Variants in PRKN observed in about 807,000 individuals in gnomAD.
PRKN encodes parkin RBR E3 ubiquitin protein ligase.
A neutral mutation model predicts 59.5 loss-of-function variants in PRKN; 56 were observed. The observed-to-expected ratio is 0.94, with a 90% CI of 0.76 to 1.18. The LOEUF is 1.18. Ranked by LOEUF, PRKN falls within the 50% of genes most tolerant of loss-of-function variation. The pLI is 0.00. For missense variants in PRKN, 657 were observed against 596.4 expected (o/e 1.10, Z -1.06); for synonymous variants, 250 against 222.1 (o/e 1.13, Z -1.12).
intron 5 of PRKN, among the ~76,000 whole-genome samples, chr6:162,001,757 C>T (rs1001397762): frequency 1.3e-5 from 2 of 151,612 alleles, no homozygotes; most frequent in African/African-American, 4.8e-5. Context: ...TCTAGCTTCT[C>T]ACCATTGAGT....
At chr6:161,474,119 C>G (rs1446798949) in intron 9 of PRKN, among the ~76,000 whole-genome samples, 1 of 152,208 alleles carries the variant, frequency 6.6e-6, no homozygotes, top group Non-Finnish European at 1.5e-5. Context: ...CAGTAAGTCA[C>G]TCCACCTCTC....
intron 7 of PRKN, among the ~76,000 whole-genome samples, chr6:161,699,184 A>G (rs1232437279): frequency 6.6e-6 from 1 of 152,112 alleles, no homozygotes; most frequent in Non-Finnish European, 1.5e-5. Flanking sequence ...ACCTATTAGA[A>G]TAAAACCAAA....
chr6:162,077,510 G>A (rs1778875574), intron 4 of PRKN, among the ~76,000 whole-genome samples: 1 of 152,054 alleles, frequency 6.6e-6, no homozygotes, highest in Non-Finnish European at 1.5e-5. Context: ...ATTAGTGCAA[G>A]TAAAATAGAG....
intron 7 of PRKN, among the ~76,000 whole-genome samples, chr6:161,615,476 G>C (rs1041487116): frequency 3.3e-5 from 5 of 152,148 alleles, no homozygotes; most frequent in African/African-American, 1.2e-4. Context: ...TTTTAGCTAG[G>C]AAAAAACAGC....
chr6:161,598,375 C>T (rs1373796666), intron 7 of PRKN, among the ~76,000 whole-genome samples: 1 of 152,082 alleles, frequency 6.6e-6, no homozygotes, highest in African/African-American at 2.4e-5. Context: ...TAATTTTGTA[C>T]ATCCAAATGT....
chr6:162,322,868 A>T (rs898350685), intron 2 of PRKN, among the ~76,000 whole-genome samples: 6 of 152,036 alleles, frequency 3.9e-5, no homozygotes, highest in Non-Finnish European at 8.8e-5. Context: ...TGACACATAT[A>T]TACCATGGAA....
intron 9 of PRKN, among the ~76,000 whole-genome samples, chr6:161,433,709 C>A (rs2115059308): frequency 6.6e-6 from 1 of 152,092 alleles, no homozygotes; most frequent in East Asian, 1.9e-4. Context: ...TGTCTCTCTT[C>A]TTTTATAAAA....
chr6:162,304,537 ATC>A (rs1782135536), intron 2 of PRKN, among the ~76,000 whole-genome samples: 1 of 119,340 alleles, frequency 8.4e-6, no homozygotes, highest in Non-Finnish European at 1.7e-5. Flanking sequence ...CTATCTATCT[ATC>A]TATCTATTTA....
intron 7 of PRKN, among the ~76,000 whole-genome samples, chr6:161,573,779 TATATATATATATATATAA>T (rs557514968): frequency 0.05 from 4,875 of 97,592 alleles, 286 homozygotes; most frequent in African/African-American, 0.094. Context: ...TATATATATA[TATATATATATATATATAA>T]AACTTCATTC....
chr6:162,184,616 C>G (rs1463413101), intron 4 of PRKN, among the ~76,000 whole-genome samples: 1 of 152,126 alleles, frequency 6.6e-6, no homozygotes, highest in Non-Finnish European at 1.5e-5. Flanking sequence ...CTGAGACCTC[C>G]CTAGCCATGC....
chr6:161,783,458 C>T (rs1790292280), intron 7 of PRKN, among the ~76,000 whole-genome samples: 1 of 152,118 alleles, frequency 6.6e-6, no homozygotes, highest in Non-Finnish European at 1.5e-5. Flanking sequence ...AGGTCGAGAG[C>T]ACCTTGGTAC....
At chr6:161,541,558 C>T (rs976896419) in intron 9 of PRKN, among the ~76,000 whole-genome samples, 4 of 152,200 alleles carry the variant, frequency 2.6e-5, no homozygotes, top group South Asian at 2.1e-4. Flanking sequence ...CGGTGGCTCA[C>T]GCCTATAATT....
At chr6:162,454,115 A>G (rs980432414) in intron 1 of PRKN, among the ~76,000 whole-genome samples, 2 of 152,214 alleles carry the variant, frequency 1.3e-5, no homozygotes, top group African/African-American at 4.8e-5. Context: ...ATAAATCAAT[A>G]TAAGAAAGGT....
chr6:161,656,321 C>T (rs1373716485), intron 7 of PRKN, among the ~76,000 whole-genome samples: 2 of 152,198 alleles, frequency 1.3e-5, no homozygotes, highest in Non-Finnish European at 2.9e-5. Context: ...CACTTCTGTT[C>T]CTCCCCGTCT....
intron 2 of PRKN, among the ~76,000 whole-genome samples, chr6:162,322,514 A>T (rs1433304685): frequency 6.6e-6 from 1 of 152,146 alleles, no homozygotes; most frequent in African/African-American, 2.4e-5. Flanking sequence ...AAATTAAAAG[A>T]CTAACACCAT....
intron 5 of PRKN, among the ~76,000 whole-genome samples, chr6:162,038,303 T>C (rs79817128): frequency 0.024 from 3,709 of 152,264 alleles, 70 homozygotes; most frequent in Non-Finnish European, 0.038. Flanking sequence ...AAATTGATTG[T>C]AGTCTTTGTG....
At chr6:162,032,098 G>A (rs1184848771) in intron 5 of PRKN, among the ~76,000 whole-genome samples, 2 of 152,044 alleles carry the variant, frequency 1.3e-5, no homozygotes, top group African/African-American at 2.4e-5. Flanking sequence ...ATGCTGCAAG[G>A]TTTTCAAACA....
At chr6:162,255,103 A>AAAATG (rs1158043595) in intron 3 of PRKN, among the ~76,000 whole-genome samples, 1 of 150,776 alleles carries the variant, frequency 6.6e-6, no homozygotes, top group Non-Finnish European at 1.5e-5. Context: ...AAAATAAAAT[A>AAAATG]AAATAAAATA....
At chr6:161,983,984 T>C (rs1781343640) in intron 5 of PRKN, among the ~76,000 whole-genome samples, 1 of 152,076 alleles carries the variant, frequency 6.6e-6, no homozygotes, top group African/African-American at 2.4e-5. Context: ...GGAAAACTAA[T>C]ATTCTCTTTC....
Sources: allele counts gnomAD v4.1 joint callset (sites outside exome capture counted in the v4.1 genomes callset), GRCh38; gene constraint gnomAD v4.1.1; transcripts MANE v1.5; gene names NCBI Gene and HGNC (gene_info 2026-07-23, HGNC 2026-07-21).